Variants in GAN observed in about 807,000 individuals in gnomAD.
GAN encodes the protein gigaxonin.
Under a neutral mutation model 71.3 loss-of-function variants are expected in GAN, and 48 were observed. That is an observed-to-expected ratio of 0.67 (90% confidence interval 0.53 to 0.86). The LOEUF is 0.86. GAN is among the 40% of genes least tolerant of loss of function. The pLI, the probability that GAN is intolerant of heterozygous loss-of-function variation, is 0.00. For missense variants in GAN, 928 were observed against 770.1 expected, an observed-to-expected ratio of 1.21 and a Z score of -2.43; for synonymous variants, 386 against 276.8, an observed-to-expected ratio of 1.39 and a Z score of -3.92.
chr16:81,351,677 G>T lies in GAN; in HGVS notation c.262G>T (p.Asp88Tyr). The change falls in exon 2 of 11, where the codon GAT (aspartate) becomes TAT (tyrosine). Residue 88 changes from aspartate (D) to tyrosine (Y), a missense_variant. Asp to Tyr is a radical substitution (Grantham distance 160). Transcript: ENST00000648994. ...GGTAATGGTTATGAGAGAGATCCTG[G>T]ATTACATCTTCAGTGGGCAGGTATG... ...ISVMVMREIL[D>Y]YIFSGQIRLN... 1 of 1,496,460 alleles carries T rather than the reference G, an allele frequency of 6.7e-7. No individual in the cohort carries two copies. Among genetic ancestry groups the T allele is most frequent in the Middle Eastern group, 1.7e-4 (1 of 5,846 alleles). The allele number at this position is 1,496,460 out of a possible 1,614,324, so 92.7% of individuals were successfully genotyped here. A position where few individuals can be genotyped will look rare whatever the true frequency, so the allele number is the denominator to read the frequency against.
intron 1 of GAN, among the ~76,000 whole-genome samples, chr16:81,349,881 A>G (rs1457370354): frequency 1.3e-5 from 2 of 152,180 alleles, no homozygotes; most frequent in Non-Finnish European, 2.9e-5. Context: ...CACAGTGTCA[A>G]TCTTGAGATT....
At position 81,348,365 on chromosome 16, in the gene GAN, T is replaced by C. The variant is rs549614416; in HGVS notation, c.168-3218T>C. Among the ~76,000 whole-genome samples, 4 of 152,356 alleles carry C rather than the reference T, an allele frequency of 2.6e-5. No individual in the cohort carries two copies. In the South Asian group the frequency reaches 8.3e-4, roughly 32 times the overall value. On this transcript the variant is annotated intron_variant, in intron 1 of 10. Coordinates refer to ENST00000648994, the MANE Select transcript of GAN (RefSeq NM_022041.4). ...TGAATTTTTCTTTTTTCCTTGAACT[T>C]TTCATTTTAGCACAATCTTTACTTC...
chr16:81,376,573 A>G (rs199732592), intron 9 of GAN, among the ~76,000 whole-genome samples: 1 of 148,970 alleles, frequency 6.7e-6, no homozygotes, highest in African/African-American at 2.5e-5. Flanking sequence ...ATATGTGTAT[A>G]TGTGTATATA....
rs886052333 is a variant in GAN at position 81,377,234 on chromosome 16, C to T, written c.1518C>T (p.Asn506=). The change falls in exon 10 of 11, where the codon AAC becomes AAT. Residue 506 remains asparagine, a synonymous_variant. Transcript: ENST00000648994. The part of the protein sequence containing the change: ...HDEFKRWIYL[N]DQNLCIPASS... The stretch of plus-strand genomic sequence containing the variant: ...TTGTTTTCAGGTGGATCTATCTTAA[C>T]GACCAGAATTTATGCATCCCCGCCA... The T allele has an allele frequency of 1.7e-5, 28 of 1,604,406 alleles. No individual in the cohort carries two copies. Among genetic ancestry groups the T allele is most frequent in the Non-Finnish European group, 2.2e-5 (26 of 1,171,340 alleles).
intron 6 of GAN, 29 bp downstream of exon 6, chr16:81,362,640 ATG>A: frequency 9.0e-7 from 1 of 1,113,400 alleles, no homozygotes; most frequent in African/African-American, 1.5e-5. Context: ...GGTTTGTTTG[ATG>A]TGTTTCTCTT....
At chr16:81,341,455 A>G (rs1909939408) in intron 1 of GAN, among the ~76,000 whole-genome samples, 1 of 152,254 alleles carries the variant, frequency 6.6e-6, no homozygotes, top group African/African-American at 2.4e-5. Context: ...AAACCCTACA[A>G]ACCAGAAGAG....
chr16:81,377,853 T>G lies in GAN; in HGVS notation c.*257T>G. On this transcript the variant is annotated 3_prime_UTR_variant, in exon 11 of 11. Transcript: ENST00000648994. ...AGATGTTGGAGGCTAGGGAGGCTAG[T>G]AAATATCAAAAGGAAAAGGGAGTGG... The G allele has an allele frequency of 1.9e-6, 1 of 529,968 alleles. No homozygotes were observed. Among genetic ancestry groups the G allele is most frequent in the Non-Finnish European group, 3.4e-6 (1 of 294,476 alleles). 32.8% of individuals were successfully genotyped at this position (529,968 alleles called of 1,614,324 possible). A position where few individuals can be genotyped will look rare whatever the true frequency, so the allele number is the denominator to read the frequency against.
chr16:81,338,613 A>G (rs1156543098), intron 1 of GAN, among the ~76,000 whole-genome samples: 1 of 152,244 alleles, frequency 6.6e-6, no homozygotes, highest in Non-Finnish European at 1.5e-5. Context: ...GCAAAACAGA[A>G]TGGAATAAAA....
chr16:81,363,680 C>T (rs1229112592), intron 6 of GAN, 114 bp from the exon 7 acceptor site: 17 of 1,013,152 alleles, frequency 1.7e-5, no homozygotes, highest in Non-Finnish European at 2.6e-5. Context: ...TAGGAGTCCC[C>T]ATTGTCTATT....
chr16:81,349,695 A>C (rs901822236), intron 1 of GAN, among the ~76,000 whole-genome samples: 1 of 152,202 alleles, frequency 6.6e-6, no homozygotes, highest in Non-Finnish European at 1.5e-5. Context: ...TTCTGTTTGT[A>C]TTCAGTCTAC....
chr16:81,383,365 G>T lies in GAN; in HGVS notation c.*5769G>T, dbSNP rs530990553. 2 of 144,072 alleles carry T rather than the reference G, an allele frequency of 1.4e-5. No individual in the cohort carries two copies. The highest frequency in any genetic ancestry group is 2.1e-4 in the South Asian group (1 of 4,662). 8.9% of individuals were successfully genotyped at this position (144,072 alleles called of 1,614,324 possible). A position where few individuals can be genotyped will look rare whatever the true frequency, so the allele number is the denominator to read the frequency against. ...CCTCCTGGGTTCAAGCAATCATCCT[G>T]CCTCAGCCTCCCCAGTACCTGGGAT... On this transcript the variant is annotated 3_prime_UTR_variant, in exon 11 of 11. Coordinates refer to ENST00000648994, the MANE Select transcript of GAN (RefSeq NM_022041.4).
In GAN at chr16:81,388,109, T is replaced by C. The variant is rs1265808037; in HGVS notation, c.*10513T>C. On this transcript the variant is annotated 3_prime_UTR_variant, in exon 11 of 11. Transcript: ENST00000648994. ...GCCAGCTTAGGGATTGCCGTCAAGGTGGAGGAAGGGTATTTTGGCCATGTT... is the reference window on the plus strand; with the variant it reads ...GCCAGCTTAGGGATTGCCGTCAAGGCGGAGGAAGGGTATTTTGGCCATGTT... 1.3e-5 allele frequency: 2 copies of C among 152,206 alleles called. No individual in the cohort carries two copies. The highest frequency in any genetic ancestry group is 6.6e-5 in the Admixed American group (1 of 15,260). The allele number at this position is 152,206 out of a possible 1,614,324, so 9.4% of individuals were successfully genotyped here. A position where few individuals can be genotyped will look rare whatever the true frequency, so the allele number is the denominator to read the frequency against.
At chr16:81,324,766 A>G (rs1186206323) in intron 1 of GAN, among the ~76,000 whole-genome samples, 1 of 152,162 alleles carries the variant, frequency 6.6e-6, no homozygotes, top group Non-Finnish European at 1.5e-5. Flanking sequence ...CGGGCTATGG[A>G]TGGGCAGTGG....
chr16:81,347,963 T>A (rs531392304), intron 1 of GAN, among the ~76,000 whole-genome samples: 1 of 152,220 alleles, frequency 6.6e-6, no homozygotes, highest in African/African-American at 2.4e-5. Context: ...CCTTCTGGAC[T>A]GATCTTCCAG....
At chr16:81,332,701 TCTTTC>T (rs1909623718) in intron 1 of GAN, among the ~76,000 whole-genome samples, 2 of 152,232 alleles carry the variant, frequency 1.3e-5, no homozygotes, top group Admixed American at 6.5e-5. Flanking sequence ...GGTTCCTCAG[TCTTTC>T]CTTGTCTTTC....
In GAN at chr16:81,379,195, A is replaced by G. The variant is rs1240770404; in HGVS notation, c.*1599A>G. On this transcript the variant is annotated 3_prime_UTR_variant, in exon 11 of 11. Transcript: ENST00000648994. ...TTATATGCAATTAACATGCATATGA[A>G]AAACATCACTTACGTTCTCCCACCC... The G allele has an allele frequency of 1.3e-5, 2 of 152,204 alleles. No homozygotes were observed. The highest frequency in any genetic ancestry group is 2.9e-5 in the Non-Finnish European group (2 of 68,036). The allele number at this position is 152,204 out of a possible 1,614,324, so 9.4% of individuals were successfully genotyped here.
At chr16:81,375,687 T>C (rs1194424392) in intron 9 of GAN, among the ~76,000 whole-genome samples, 1 of 151,864 alleles carries the variant, frequency 6.6e-6, no homozygotes, top group African/African-American at 2.4e-5. Flanking sequence ...AAAATGGGGC[T>C]GGGTATGGTG....
chr16:81,361,627 T>C (rs1043991997), intron 5 of GAN, among the ~76,000 whole-genome samples: 2 of 152,258 alleles, frequency 1.3e-5, no homozygotes, highest in Admixed American at 1.3e-4. Flanking sequence ...TGATAACCTC[T>C]GTAGGTCCTA....
rs10690232 is a variant in GAN at position 81,328,649 on chromosome 16, A to AT, written c.167+13382dup. ...TAAAGACCCTACCAGTGTGTATCTT[A>AT]TTTTTTTTTTTTTAGATCTATCACC... On this transcript the variant is annotated intron_variant, in intron 1 of 10. Coordinates refer to ENST00000648994, the MANE Select transcript of GAN (RefSeq NM_022041.4). 8.9e-3 allele frequency among the ~76,000 whole-genome samples: 1,302 copies of AT among 146,956 alleles called. 18 individuals carry two copies. The highest frequency in any genetic ancestry group is 0.028 in the African/African-American group (1,127 of 40,204).
Sources: allele counts gnomAD v4.1 joint callset (sites outside exome capture counted in the v4.1 genomes callset), GRCh38; gene constraint gnomAD v4.1.1; transcripts MANE v1.5; gene names NCBI Gene and HGNC (gene_info 2026-07-23, HGNC 2026-07-21).